CLYBL: variants seen among roughly 807,000 people sequenced by gnomAD.
The protein encoded by CLYBL is citramalyl-CoA lyase, mitochondrial.
A neutral mutation model predicts 38.9 loss-of-function variants in CLYBL; 31 were observed. The ratio of observed to expected loss-of-function variants is 0.80; its 90% confidence interval spans 0.60 to 1.08. The LOEUF (loss-of-function observed/expected upper bound fraction) is 1.08, where lower values mean the gene tolerates loss of function less well. Ranked by LOEUF, CLYBL falls within the 50% of genes least tolerant of loss-of-function variation. The pLI, the probability that CLYBL is intolerant of heterozygous loss-of-function variation, is 0.00. For missense variants in CLYBL, 434 were observed against 411.6 expected (o/e 1.05, Z -0.47); for synonymous variants, 171 against 158.6 (o/e 1.08, Z -0.59).
At chr13:99,716,662 G>A (rs1370001631) in intron 1 of CLYBL, among the ~76,000 whole-genome samples, 2 of 151,640 alleles carry the variant, frequency 1.3e-5, no homozygotes, top group Non-Finnish European at 2.9e-5. Context: ...GGGATTACAG[G>A]CGTGAGCCAC....
intron 1 of CLYBL, among the ~76,000 whole-genome samples, chr13:99,633,356 A>G (rs754237079): frequency 1.3e-5 from 2 of 151,918 alleles, no homozygotes; most frequent in Admixed American, 6.6e-5. Context: ...CCTGGGCAAC[A>G]TGGCAAAACC....
chr13:99,862,505 TC>T (rs1301526748), intron 3 of CLYBL, among the ~76,000 whole-genome samples: 5 of 152,160 alleles, frequency 3.3e-5, no homozygotes, highest in African/African-American at 1.2e-4. Flanking sequence ...AGAAAAACCT[TC>T]TGAACAAAGG....
At chr13:99,870,656 A>G (rs1487886068) in intron 6 of CLYBL, among the ~76,000 whole-genome samples, 1 of 152,206 alleles carries the variant, frequency 6.6e-6, no homozygotes, top group Non-Finnish European at 1.5e-5. Context: ...TAGTCAGCCC[A>G]CCTGTAACTA....
chr13:99,675,325 A>G (rs1196089267), intron 1 of CLYBL, among the ~76,000 whole-genome samples: 1 of 152,200 alleles, frequency 6.6e-6, no homozygotes, highest in Non-Finnish European at 1.5e-5. Flanking sequence ...ATATGTGTAT[A>G]TACTTTATGT....
chr13:99,872,155 A>C (rs1313222733), intron 7 of CLYBL, among the ~76,000 whole-genome samples: 1 of 152,208 alleles, frequency 6.6e-6, no homozygotes, highest in African/African-American at 2.4e-5. Flanking sequence ...TCATTCCCTA[A>C]GGATGTCCAC....
intron 1 of CLYBL, among the ~76,000 whole-genome samples, chr13:99,683,493 AT>A (rs2047769127): frequency 6.6e-6 from 1 of 152,196 alleles, no homozygotes; most frequent in East Asian, 1.9e-4. Flanking sequence ...GCTTTTTTAT[AT>A]TTTTAATTTT....
chr13:99,729,946 G>A (rs1454895448), intron 1 of CLYBL, among the ~76,000 whole-genome samples: 1 of 151,862 alleles, frequency 6.6e-6, no homozygotes, highest in African/African-American at 2.4e-5. Flanking sequence ...GCCACCGTCG[G>A]TCCCTCATCA....
intron 2 of CLYBL, among the ~76,000 whole-genome samples, chr13:99,848,948 G>A (rs1201804463): frequency 6.6e-6 from 1 of 152,164 alleles, no homozygotes; most frequent in East Asian, 1.9e-4. Flanking sequence ...AGACCAGCCT[G>A]GCCAACGTGG....
chr13:99,785,821 C>A (rs1435070468), intron 2 of CLYBL, among the ~76,000 whole-genome samples: 1 of 152,150 alleles, frequency 6.6e-6, no homozygotes, highest in African/African-American at 2.4e-5. Context: ...TGGTCTTGAA[C>A]TCCTGACCTC....
intron 1 of CLYBL, among the ~76,000 whole-genome samples, chr13:99,610,697 G>A (rs1444628108): frequency 1.3e-5 from 2 of 152,184 alleles, no homozygotes; most frequent in Non-Finnish European, 2.9e-5. Context: ...CTAGACATGA[G>A]CACTTAAGGT....
intron 1 of CLYBL, among the ~76,000 whole-genome samples, chr13:99,648,564 T>G (rs1048064371): frequency 6.6e-6 from 1 of 152,232 alleles, no homozygotes; most frequent in Non-Finnish European, 1.5e-5. Flanking sequence ...CCCTTTTTCT[T>G]ACATTTCTGT....
chr13:99,813,631 G>A (rs912308493), intron 2 of CLYBL, among the ~76,000 whole-genome samples: 2 of 152,196 alleles, frequency 1.3e-5, no homozygotes, highest in African/African-American at 4.8e-5. Flanking sequence ...ACTGACTTCA[G>A]CAAGCTTCGG....
At chr13:99,901,180 CCTCA>C (rs2052637830), downstream of CLYBL, among the ~76,000 whole-genome samples, 1 of 152,200 alleles carries the variant, frequency 6.6e-6, no homozygotes, top group African/African-American at 2.4e-5. Context: ...TGGCCGCGGG[CCTCA>C]CTCCCAAGCT....
chr13:99,876,556 A>AT (rs2052049482), intron 7 of CLYBL, among the ~76,000 whole-genome samples: 1 of 151,610 alleles, frequency 6.6e-6, no homozygotes, highest in Non-Finnish European at 1.5e-5. Context: ...CCAGGTTCAT[A>AT]TTTTTCCGGG....
chr13:99,687,003 C>T (rs2047827411), intron 1 of CLYBL, among the ~76,000 whole-genome samples: 2 of 152,180 alleles, frequency 1.3e-5, no homozygotes, highest in South Asian at 4.1e-4. Context: ...ACTTCCCAGC[C>T]CTAATAGCTC....
At chr13:99,650,180 G>T (rs927866424) in intron 1 of CLYBL, among the ~76,000 whole-genome samples, 1 of 151,856 alleles carries the variant, frequency 6.6e-6, no homozygotes, top group Admixed American at 6.6e-5. Flanking sequence ...GGAGAATGGC[G>T]TGAACCCAGG....
intron 1 of CLYBL, among the ~76,000 whole-genome samples, chr13:99,734,198 C>T (rs1335670560): frequency 6.6e-6 from 1 of 152,102 alleles, no homozygotes; most frequent in East Asian, 1.9e-4. Flanking sequence ...TCCCTCCTCA[C>T]CTCATTCCCC....
Position 99,719,767 on chromosome 13 carries a change from CAA to C in CLYBL, c.63-53055_63-53054del, listed in dbSNP as rs549311762. Among the ~76,000 whole-genome samples the C allele has an allele frequency of 1.3e-3, 199 of 152,322 alleles. 3 individuals are homozygous for C. Among genetic ancestry groups the C allele is most frequent in the African/African-American group, 4.5e-3 (188 of 41,564 alleles). On this transcript the variant is annotated intron_variant, in intron 1 of 8. Coordinates refer to ENST00000339105, the MANE Select transcript of CLYBL (RefSeq NM_206808.5). ...AGACAAGCCACCCACCTCAGCCCCA[CAA>C]AGTGCTGGGATTACAGGCATGAGCC... is the stretch of plus-strand genomic sequence containing the variant.
At chr13:99,689,032 A>G (rs369660686) in intron 1 of CLYBL, among the ~76,000 whole-genome samples, 1 of 152,112 alleles carries the variant, frequency 6.6e-6, no homozygotes, top group East Asian at 1.9e-4. Context: ...AGGACTCTCA[A>G]TAAAACCGGC....
Sources: gnomAD v4.1 joint callset for allele counts (sites outside exome capture counted in the v4.1 genomes callset) on GRCh38, gnomAD v4.1.1 for gene constraint, MANE v1.5 for transcripts, NCBI Gene and HGNC (gene_info 2026-07-23, HGNC 2026-07-21) for gene names.